GLMN: variants seen among roughly 807,000 people sequenced by gnomAD.
GLMN encodes glomulin.
GLMN carries 75 observed loss-of-function variants against 87.8 expected under a neutral mutation model. That is an observed-to-expected ratio of 0.85 (90% CI 0.71 to 1.04). The LOEUF (loss-of-function observed/expected upper bound fraction) is 1.04. Ranked by LOEUF, GLMN falls within the 50% of genes least tolerant of loss-of-function variation. The pLI is 0.00. For synonymous variants in GLMN, 206 were observed against 221.6 expected (o/e 0.93, Z 0.63); for missense variants, 588 against 658.8 (o/e 0.89, Z 1.18).
chr1:92,279,413 T>C (rs1307043754), intron 7 of GLMN, among the ~76,000 whole-genome samples: 2 of 131,446 alleles, frequency 1.5e-5, no homozygotes, highest in African/African-American at 3.0e-5. Flanking sequence ...GCTGAGATCA[T>C]GCCATTGAAC....
intron 14 of GLMN, 129 bp from the exon 15 acceptor site, chr1:92,263,861 C>G (rs1394841832): frequency 3.7e-5 from 25 of 679,424 alleles, no homozygotes; most frequent in Non-Finnish European, 5.4e-6. Flanking sequence ...AATTTCCGTA[C>G]TTTCATTCAC....
chr1:92,291,588 C>A, intron 3 of GLMN, 51 bp from the exon 4 acceptor site: 3 of 1,584,112 alleles, frequency 1.9e-6, no homozygotes, highest in Non-Finnish European at 2.6e-6. Context: ...ATAGGACTCT[C>A]GCAGTGTGCT....
At chr1:92,257,304 T>G (rs536576814) in intron 16 of GLMN, among the ~76,000 whole-genome samples, 12 of 152,264 alleles carry the variant, frequency 7.9e-5, no homozygotes, top group Admixed American at 7.8e-4. Context: ...ATCAATATTG[T>G]GAAAATGGCC....
At chr1:92,309,048 ACT>A in the GLMN span, among the ~76,000 whole-genome samples, 1 of 152,162 alleles carries the variant, frequency 6.6e-6, no homozygotes, top group African/African-American at 2.4e-5. Flanking sequence ...CAGAATGCTC[ACT>A]GTTTCCCAAA....
chr1:92,300,252 C>T, upstream of GLMN: 1 of 1,595,332 alleles, frequency 6.3e-7, no homozygotes, highest in Non-Finnish European at 8.6e-7. Context: ...ATGACAGCTA[C>T]ATGGACAACT....
In GLMN at chr1:92,268,121, A is replaced by C. The variant is rs2100904804; in HGVS notation, c.992T>G (p.Val331Gly). The C allele has an allele frequency of 7.0e-7, 1 of 1,435,214 alleles. No homozygotes were observed. Among genetic ancestry groups the C allele is most frequent in the East Asian group, 2.3e-5 (1 of 43,902 alleles). The allele number at this position is 1,435,214 out of a possible 1,614,324, so 88.9% of individuals were successfully genotyped here. The change falls in exon 10 of 19, where the codon GTT (valine) becomes GGT (glycine). Residue 331 changes from valine to glycine, a missense_variant. Physicochemically the swap from Val to Gly is moderately radical, Grantham distance 109. Coordinates refer to ENST00000370360, the MANE Select transcript of GLMN (RefSeq NM_053274.3). The stretch of plus-strand genomic sequence containing the variant: ...ACATCTTACCAATCCTTTGGAGATA[A>C]CAGACTCTTCTGTTCTGAAAAATAA... ...EVFLQRTEES[V>G]ISKGLELLEN...
chr1:92,347,790 T>C, the GLMN span, among the ~76,000 whole-genome samples: 2 of 152,180 alleles, frequency 1.3e-5, no homozygotes, highest in Admixed American at 1.3e-4. Flanking sequence ...TTGGATATAA[T>C]GTAGGGAACC....
chr1:92,299,791 G>A (rs1650673307), upstream of GLMN, among the ~76,000 whole-genome samples: 1 of 152,164 alleles, frequency 6.6e-6, no homozygotes, highest in Non-Finnish European at 1.5e-5. Context: ...AAGAAGAAAA[G>A]GTGGTCTACA....
At chr1:92,297,282 G>A (rs1461541566) in intron 3 of GLMN, 122 bp downstream of exon 3, 1 of 1,333,016 alleles carries the variant, frequency 7.5e-7, no homozygotes, top group Non-Finnish European at 1.1e-6. Flanking sequence ...TTTGTTTTCA[G>A]TTCCCTACTG....
At chr1:92,266,234 A>G (rs1288690044) in intron 13 of GLMN, among the ~76,000 whole-genome samples, 185 bp downstream of exon 13, 1 of 152,232 alleles carries the variant, frequency 6.6e-6, no homozygotes. Flanking sequence ...ACATATATAT[A>G]GTATGTCTGA....
chr1:92,353,694 A>G, the GLMN span, among the ~76,000 whole-genome samples: 1 of 152,136 alleles, frequency 6.6e-6, no homozygotes, highest in Non-Finnish European at 1.5e-5. Flanking sequence ...CACCTTTGTC[A>G]TTGTGAAGTT....
chr1:92,313,572 G>C, the GLMN span, among the ~76,000 whole-genome samples: 25 of 150,970 alleles, frequency 1.7e-4, no homozygotes, highest in African/African-American at 6.1e-4. Context: ...AGTAGATTTA[G>C]CATAATTCTT....
the GLMN span, among the ~76,000 whole-genome samples, chr1:92,307,764 G>A: frequency 6.6e-6 from 1 of 151,546 alleles, no homozygotes; most frequent in African/African-American, 2.4e-5. Context: ...GGCAATGCTG[G>A]AGTTTAGCCT....
the GLMN span, chr1:92,324,095 C>G: frequency 6.2e-6 from 10 of 1,614,104 alleles, no homozygotes; most frequent in Admixed American, 1.7e-4. Flanking sequence ...CAGAATTATG[C>G]TTCTGTGTGT....
At chr1:92,284,775 GA>G (rs972851115) in intron 7 of GLMN, among the ~76,000 whole-genome samples, 40 of 147,048 alleles carry the variant, frequency 2.7e-4, no homozygotes, top group African/African-American at 6.0e-4. Context: ...AAATTTACAA[GA>G]AAAAAAAAAT....
At chr1:92,326,623 G>T in the GLMN span, among the ~76,000 whole-genome samples, 7 of 152,304 alleles carry the variant, frequency 4.6e-5, no homozygotes, top group South Asian at 1.5e-3. Flanking sequence ...TCCTTGGGCA[G>T]GGCTTGCTGT....
chr1:92,347,512 GTATTATCATCA>G, the GLMN span, among the ~76,000 whole-genome samples: 12 of 152,182 alleles, frequency 7.9e-5, no homozygotes, highest in African/African-American at 2.9e-4. Flanking sequence ...CTTACTGAAA[GTATTATCATCA>G]TGAGCACTGC....
intron 3 of GLMN, among the ~76,000 whole-genome samples, chr1:92,296,823 C>A (rs962408754): frequency 2.0e-5 from 3 of 152,180 alleles, no homozygotes; most frequent in Non-Finnish European, 4.4e-5. Context: ...ATTCTATGCA[C>A]ATAAAATACT....
At chr1:92,292,182 T>C (rs1649480327) in intron 3 of GLMN, among the ~76,000 whole-genome samples, 1 of 152,210 alleles carries the variant, frequency 6.6e-6, no homozygotes, top group African/African-American at 2.4e-5. Context: ...GCCTACACTA[T>C]AATATTCTAG....
Sources: gnomAD v4.1 joint callset for allele counts (sites outside exome capture counted in the v4.1 genomes callset) on GRCh38, gnomAD v4.1.1 for gene constraint, MANE v1.5 for transcripts, NCBI Gene and HGNC (gene_info 2026-07-23, HGNC 2026-07-21) for gene names.